The following ECM2 variants were observed in gnomAD, a reference collection of about 807,000 sequenced individuals.
ECM2 encodes extracellular matrix protein 2, female organ and adipocyte specific.
In ECM2, 57 loss-of-function variants were observed where a neutral mutation model predicts 67.5. The observed-to-expected ratio is 0.84, with a 90% CI of 0.68 to 1.05. The LOEUF (loss-of-function observed/expected upper bound fraction) is 1.05, where lower values mean the gene tolerates loss of function less well. ECM2 is among the 50% of genes least tolerant of loss of function. The pLI is 0.00. For missense variants in ECM2, 741 were observed against 822.8 expected (o/e 0.90, Z 1.22); for synonymous variants, 258 against 294.5 (o/e 0.88, Z 1.27).
intron 1 of ECM2, 113 bp from the exon 2 acceptor site, chr9:92,523,006 A>G (rs780977324): frequency 7.8e-5 from 78 of 994,884 alleles, no homozygotes; most frequent in Non-Finnish European, 1.1e-4. Context: ...AATTACACTT[A>G]TGATATATGG....
chr9:92,525,957 A>G (rs1848382200), intron 1 of ECM2, among the ~76,000 whole-genome samples: 1 of 151,386 alleles, frequency 6.6e-6, no homozygotes, highest in Non-Finnish European at 1.5e-5. Context: ...ATACTTTCAT[A>G]TACAACTATA....
chr9:92,547,361 T>C, the ECM2 span, among the ~76,000 whole-genome samples: 2 of 152,254 alleles, frequency 1.3e-5, no homozygotes, highest in Non-Finnish European at 2.9e-5. Flanking sequence ...CAATTGTTCA[T>C]TGCTACACTA....
downstream of ECM2, chr9:92,493,951 C>A: frequency 1.4e-6 from 1 of 704,166 alleles, no homozygotes; most frequent in African/African-American, 1.8e-5. Flanking sequence ...GCTGTTAATC[C>A]AGGCCGTTGA....
chr9:92,555,214 ATTTTTTTTTTTTTTTT>A, the ECM2 span, among the ~76,000 whole-genome samples: 21 of 63,466 alleles, frequency 3.3e-4, no homozygotes, highest in East Asian at 1.8e-3. Flanking sequence ...TTTTTTGGAA[ATTTTTTTTTTTTTTTT>A]TTTTTTTTTT....
rs1300579863 is a variant in ECM2 at position 92,522,471 on chromosome 9, T to C, written c.292+104A>G. ...ACCTGGATTTTTCTTTAGAAAATTATCTTCATGGAGATGTTCTCCCTCTCT... is the reference window on the plus strand; with the variant it reads ...ACCTGGATTTTTCTTTAGAAAATTACCTTCATGGAGATGTTCTCCCTCTCT... On this transcript the variant is annotated intron_variant, in intron 2 of 9. Coordinates refer to ENST00000344604, the MANE Select transcript of ECM2 (RefSeq NM_001393.4). The C allele has an allele frequency of 5.1e-6, 6 of 1,179,388 alleles. No individual in the cohort carries two copies. The Middle Eastern group carries it at 8.1e-4, about 159-fold the overall frequency. The allele number at this position is 1,179,388 out of a possible 1,614,324, so 73.1% of individuals were successfully genotyped here.
intron 9 of ECM2, among the ~76,000 whole-genome samples, chr9:92,497,527 G>A (rs1197532607): frequency 1.2e-4 from 18 of 151,816 alleles, no homozygotes; most frequent in Admixed American, 1.2e-3. Flanking sequence ...GGGAGGCTGA[G>A]GCAACAGAAT....
chr9:92,518,548 G>C (rs1034952205), intron 2 of ECM2, among the ~76,000 whole-genome samples: 4 of 152,038 alleles, frequency 2.6e-5, no homozygotes, highest in Non-Finnish European at 4.4e-5. Context: ...TGTCTTTTAT[G>C]GTTTATTATG....
chr9:92,536,780 A>G (rs1213316488), upstream of ECM2: 2 of 152,182 alleles, frequency 1.3e-5, no homozygotes, highest in African/African-American at 4.8e-5. Context: ...ATACCTTTCA[A>G]ATTTTTCTGA....
intron 1 of ECM2, among the ~76,000 whole-genome samples, chr9:92,532,013 A>ATTTTTTTTTTTTTTTTTTTT (rs1368397928): frequency 1.5e-5 from 1 of 68,914 alleles, no homozygotes; most frequent in African/African-American, 1.2e-4. Flanking sequence ...TTTTTATTTA[A>ATTTTTTTTTTTTTTTTTTTT]TGTTTTTTTT....
chr9:92,515,819 C>T (rs1454641262), intron 3 of ECM2, among the ~76,000 whole-genome samples: 2 of 152,216 alleles, frequency 1.3e-5, no homozygotes, highest in Non-Finnish European at 2.9e-5. Flanking sequence ...ATCATCTTTA[C>T]TACCTGAGAC....
the ECM2 span, among the ~76,000 whole-genome samples, chr9:92,546,982 A>AG: frequency 6.6e-6 from 1 of 152,204 alleles, no homozygotes. Flanking sequence ...GGACGTCAGA[A>AG]GGAAAATTTT....
Position 92,514,914 on chromosome 9 carries a change from C to T in ECM2, c.771G>A (p.Glu257=). 6.2e-7 allele frequency: 1 copy of T among 1,613,800 alleles called. No individual in the cohort carries two copies. Among genetic ancestry groups the T allele is most frequent in the Non-Finnish European group, 8.5e-7 (1 of 1,179,894 alleles). ...GGDRKQRPGE[E]RRLAHQQQRQ... ...GTTGTTGCTGGTGTGCCAGCCTCCTCTCCTCTCCAGGCCTCTGCTTTCTGT... is the reference window on the plus strand; with the variant it reads ...GTTGTTGCTGGTGTGCCAGCCTCCTTTCCTCTCCAGGCCTCTGCTTTCTGT... The change falls in exon 4 of 10, where the codon GAG becomes GAA. Residue 257 remains glutamate (E), a synonymous_variant. Transcript: ENST00000344604.
At chr9:92,494,123 G>A (rs978918165), downstream of ECM2, 14 of 1,597,718 alleles carry the variant, frequency 8.8e-6, no homozygotes, top group Non-Finnish European at 1.2e-5. Context: ...GTTTGTCACT[G>A]TCTCTAGAAC....
chr9:92,510,474 T>G (rs1847269249), intron 5 of ECM2, among the ~76,000 whole-genome samples: 1 of 152,256 alleles, frequency 6.6e-6, no homozygotes, highest in South Asian at 2.1e-4. Flanking sequence ...CCTCAGTTTT[T>G]TATCTACTCC....
downstream of ECM2, chr9:92,495,163 A>G (rs1846288370): frequency 1.4e-5 from 3 of 210,824 alleles, no homozygotes; most frequent in Non-Finnish European, 2.5e-5. Context: ...TTAAATAACT[A>G]AAGCTTAAAA....
upstream of ECM2, among the ~76,000 whole-genome samples, chr9:92,538,558 G>A (rs79791145): frequency 4.6e-5 from 7 of 152,166 alleles, no homozygotes; most frequent in East Asian, 1.9e-4. Flanking sequence ...TAATTACCAC[G>A]ATGAGATTGA....
the ECM2 span, among the ~76,000 whole-genome samples, chr9:92,549,111 G>A: frequency 1.3e-5 from 2 of 152,258 alleles, no homozygotes. Flanking sequence ...ATTTTCTCAC[G>A]TGGACGGTTT....
chr9:92,516,967 C>A, intron 3 of ECM2: 1 of 152,322 alleles, frequency 6.6e-6, no homozygotes, highest in Non-Finnish European at 1.5e-5. Flanking sequence ...AATTATTTAA[C>A]AAGTATTTAT....
chr9:92,516,064 C>CTTTT (rs869200958), intron 3 of ECM2, among the ~76,000 whole-genome samples: 1 of 148,756 alleles, frequency 6.7e-6, no homozygotes, highest in Non-Finnish European at 1.5e-5. Flanking sequence ...ACAGTGCATA[C>CTTTT]TTTTTTTTCC....
Sources: gnomAD v4.1 joint callset for allele counts (sites outside exome capture counted in the v4.1 genomes callset) on GRCh38, gnomAD v4.1.1 for gene constraint, MANE v1.5 for transcripts, NCBI Gene and HGNC (gene_info 2026-07-23, HGNC 2026-07-21) for gene names.